Variants in PHF2 observed in about 807,000 individuals in gnomAD.
PHF2 encodes the protein PHD finger protein 2.
PHF2 carries 27 observed loss-of-function variants against 120.5 expected under a neutral mutation model. The observed-to-expected ratio is 0.22, with a 90% CI of 0.17 to 0.31. The LOEUF is 0.31. Among genes scored for constraint, PHF2 ranks in the 10% least tolerant of loss-of-function variants. The pLI is 1.00. For synonymous variants in PHF2, 568 were observed against 592.5 expected, an observed-to-expected ratio of 0.96 and a Z score of 0.60; for missense variants, 1,024 against 1,434.8, an observed-to-expected ratio of 0.71 and a Z score of 4.63.
intron 1 of PHF2, among the ~76,000 whole-genome samples, chr9:93,615,514 A>C (rs997469500): frequency 6.6e-6 from 1 of 152,226 alleles, no homozygotes; most frequent in Non-Finnish European, 1.5e-5. Context: ...TATTTCTGTC[A>C]CTGACCTTCT....
chr9:93,643,196 C>T (rs1285987723), intron 3 of PHF2, among the ~76,000 whole-genome samples: 2 of 152,066 alleles, frequency 1.3e-5, no homozygotes, highest in Non-Finnish European at 2.9e-5. Flanking sequence ...ACCTACAAGA[C>T]GGTTTGTGTT....
At chr9:93,650,066 T>C (rs532381430) in intron 5 of PHF2, among the ~76,000 whole-genome samples, 53 of 150,170 alleles carry the variant, frequency 3.5e-4, no homozygotes, top group African/African-American at 1.3e-3. Context: ...CACTCACCCA[T>C]GGACGTACTC....
intron 1 of PHF2, among the ~76,000 whole-genome samples, chr9:93,626,381 G>A (rs907822742): frequency 6.6e-6 from 1 of 152,150 alleles, no homozygotes; most frequent in Admixed American, 6.5e-5. Flanking sequence ...ATATTTCTTT[G>A]AAGAAATGTC....
chr9:93,593,103 A>AG (rs1825262176), intron 1 of PHF2, among the ~76,000 whole-genome samples: 1 of 117,278 alleles, frequency 8.5e-6, no homozygotes, highest in Non-Finnish European at 1.8e-5. Flanking sequence ...AAAAAAAAAA[A>AG]AAAAAAAAGA....
At chr9:93,666,125 G>C in intron 16 of PHF2, 65 bp downstream of exon 16, 1 of 1,550,952 alleles carries the variant, frequency 6.4e-7, no homozygotes, top group Non-Finnish European at 8.9e-7. Context: ...CAAGGCCATG[G>C]TTTGAGTGAC....
At chr9:93,577,535 G>C (rs1043421854) in intron 1 of PHF2, among the ~76,000 whole-genome samples, 15 of 152,288 alleles carry the variant, frequency 9.8e-5, no homozygotes, top group African/African-American at 3.6e-4. Flanking sequence ...CAGGCCTGCA[G>C]GTCCGCGGGC....
chr9:93,617,863 C>T (rs749160966), intron 1 of PHF2, among the ~76,000 whole-genome samples: 16 of 152,336 alleles, frequency 1.1e-4, no homozygotes, highest in Non-Finnish European at 2.2e-4. Context: ...GCTTTATATT[C>T]CAGCCACACA....
intron 4 of PHF2, among the ~76,000 whole-genome samples, chr9:93,646,319 T>C (rs956336405): frequency 6.6e-6 from 1 of 152,152 alleles, no homozygotes; most frequent in African/African-American, 2.4e-5. Context: ...CACTTGTGGG[T>C]AGAGGAAGCA....
intron 1 of PHF2, among the ~76,000 whole-genome samples, chr9:93,616,843 AC>A (rs1241569848): frequency 6.6e-6 from 1 of 151,824 alleles, no homozygotes; most frequent in Non-Finnish European, 1.5e-5. Context: ...TTTAGTAGAG[AC>A]GGGGTTTCTC....
Position 93,636,311 on chromosome 9 carries a change from G to A in PHF2, c.185-100G>A, listed in dbSNP as rs1246465288. On this transcript the variant is annotated intron_variant, in intron 2 of 21. Transcript: ENST00000359246. ...GAGCATGAGCCCAGCAATGCTGGGA[G>A]TTGTTAGTAGGCTGGGTGGGCCAAG... 6.0e-6 allele frequency: 5 copies of A among 829,980 alleles called. No individual in the cohort carries two copies. The East Asian group carries it at 1.3e-4, about 22-fold the overall frequency. The allele number at this position is 829,980 out of a possible 1,614,324, so 51.4% of individuals were successfully genotyped here.
At chr9:93,614,385 C>T (rs1459942133) in intron 1 of PHF2, among the ~76,000 whole-genome samples, 1 of 152,242 alleles carries the variant, frequency 6.6e-6, no homozygotes, top group African/African-American at 2.4e-5. Context: ...CCAGTGACTT[C>T]TGTTTCCCCT....
Position 93,663,559 on chromosome 9 carries a change from A to G in PHF2, c.1861A>G (p.Lys621Glu). 1 of 1,613,464 alleles carries G rather than the reference A, an allele frequency of 6.2e-7. No homozygotes were observed. The highest frequency in any genetic ancestry group is 8.5e-7 in the Non-Finnish European group (1 of 1,179,622). ...DSLLKMEEEQ[K>E]LEKSPLAGNK... Reference sequence around the variant, plus strand: ...CTTACTGAAGATGGAAGAGGAGCAGAAGCTAGAGAAGTCGCCTCTAGCTGG... The same window carrying G: ...CTTACTGAAGATGGAAGAGGAGCAGGAGCTAGAGAAGTCGCCTCTAGCTGG... Residue 621 changes from lysine to glutamate, a missense_variant, in exon 14 of 22, where the codon AAG becomes GAG. Around this residue, in one of 2 missense-constraint regions of PHF2, gnomAD observed 677 missense variants for 857.4 expected, o/e 0.79. Transcript: ENST00000359246.
chr9:93,630,495 C>T (rs1825983384), intron 2 of PHF2, among the ~76,000 whole-genome samples: 2 of 152,220 alleles, frequency 1.3e-5, no homozygotes, highest in Admixed American at 6.5e-5. Context: ...GCTCTGTCCT[C>T]CCCTCCTTTT....
chr9:93,671,304 GGGAGTAGGGTCA>G, intron 17 of PHF2: 2 of 684,098 alleles, frequency 2.9e-6, no homozygotes, highest in Non-Finnish European at 1.8e-6. Context: ...ATGTGGGTGT[GGGAGTAGGGTCA>G]GGTGTAGATG....
intron 10 of PHF2, 85 bp downstream of exon 10, chr9:93,658,321 G>C: frequency 9.8e-7 from 1 of 1,020,306 alleles, no homozygotes; most frequent in Non-Finnish European, 1.5e-6. Flanking sequence ...GCAATGTCCA[G>C]GACTTGTCCT....
chr9:93,658,074 T>C, intron 9 of PHF2, 71 bp from the exon 10 acceptor site: 1 of 1,035,714 alleles, frequency 9.7e-7, no homozygotes, highest in Non-Finnish European at 1.5e-6. Flanking sequence ...CCGGTCTGGC[T>C]ATGTGGCTGG....
At chr9:93,643,101 C>G (rs1391780376) in intron 3 of PHF2, among the ~76,000 whole-genome samples, 2 of 152,136 alleles carry the variant, frequency 1.3e-5, no homozygotes, top group African/African-American at 4.8e-5. Flanking sequence ...GACTGACCCT[C>G]TTGGTGGTTC....
At chr9:93,674,156 C>T (rs144582848) in intron 18 of PHF2, among the ~76,000 whole-genome samples, 177 of 152,236 alleles carry the variant, frequency 1.2e-3, no homozygotes, top group Non-Finnish European at 1.8e-3. Context: ...TGGCACCGGG[C>T]GCCATCTTGC....
chr9:93,613,131 C>A (rs1825665172), intron 1 of PHF2, among the ~76,000 whole-genome samples: 1 of 152,248 alleles, frequency 6.6e-6, no homozygotes, highest in South Asian at 2.1e-4. Context: ...GGGTAAGTGA[C>A]TTACCTCCAC....
Sources: allele counts gnomAD v4.1 joint callset (sites outside exome capture counted in the v4.1 genomes callset), GRCh38; gene constraint gnomAD v4.1.1; regional missense constraint gnomAD v4.1.1; transcripts MANE v1.5; gene names NCBI Gene and HGNC (gene_info 2026-07-23, HGNC 2026-07-21).